MIS18A: variants seen among roughly 807,000 people sequenced by gnomAD.
The protein encoded by MIS18A is protein Mis18-alpha.
In MIS18A, 14 loss-of-function variants were observed where a neutral mutation model predicts 25.0. The observed-to-expected ratio is 0.56, with a 90% CI of 0.37 to 0.88. The LOEUF is 0.88. Among genes scored for constraint, MIS18A ranks in the 40% least tolerant of loss-of-function variants. The pLI, the probability that MIS18A is intolerant of heterozygous loss-of-function variation, is 0.00. For missense variants in MIS18A, 292 were observed against 290.8 expected, an observed-to-expected ratio of 1.00 and a Z score of -0.03; for synonymous variants, 134 against 118.6, an observed-to-expected ratio of 1.13 and a Z score of -0.84.
At chr21:32,172,906 A>T in the MIS18A span, among the ~76,000 whole-genome samples, 1 of 152,104 alleles carries the variant, frequency 6.6e-6, no homozygotes, top group Admixed American at 6.5e-5. Flanking sequence ...TATCCATATA[A>T]AGACAACAGA....
At chr21:32,273,914 C>T (rs918563753) in intron 2 of MIS18A, among the ~76,000 whole-genome samples, 1 of 152,128 alleles carries the variant, frequency 6.6e-6, no homozygotes, top group Non-Finnish European at 1.5e-5. Context: ...TATAGGGCAG[C>T]GCTTCCCACT....
At chr21:32,230,725 A>G in the MIS18A span, among the ~76,000 whole-genome samples, 19 of 152,368 alleles carry the variant, frequency 1.2e-4, no homozygotes, top group South Asian at 4.1e-4. Flanking sequence ...TTCATACCAT[A>G]TACAAAAATG....
chr21:32,219,921 T>C, the MIS18A span, among the ~76,000 whole-genome samples: 3 of 152,156 alleles, frequency 2.0e-5, no homozygotes, highest in Admixed American at 2.0e-4. Context: ...AGACTGCCTC[T>C]CTAGATTCTT....
chr21:32,175,812 A>AAAAAAAAC, the MIS18A span, among the ~76,000 whole-genome samples: 1 of 151,084 alleles, frequency 6.6e-6, no homozygotes, highest in African/African-American at 2.4e-5. Flanking sequence ...TCCATCTCAA[A>AAAAAAAAC]AAAAACAAAA....
the MIS18A span, among the ~76,000 whole-genome samples, chr21:32,185,918 C>A: frequency 1.3e-5 from 2 of 152,174 alleles, no homozygotes; most frequent in South Asian, 4.1e-4. Context: ...AGGGGTCTCA[C>A]CTGTTTACGT....
the MIS18A span, among the ~76,000 whole-genome samples, chr21:32,201,100 G>A: frequency 1.3e-5 from 2 of 152,094 alleles, no homozygotes; most frequent in Admixed American, 6.5e-5. Context: ...CAATTGTGGC[G>A]GAAGGTGAAG....
intron 3 of MIS18A, 25 bp downstream of exon 3, chr21:32,270,382 G>T: frequency 6.2e-7 from 1 of 1,612,930 alleles, no homozygotes; most frequent in Non-Finnish European, 8.5e-7. Context: ...CAGTTGTGAG[G>T]TAAACATTTA....
chr21:32,173,123 AG>A, the MIS18A span, among the ~76,000 whole-genome samples: 1 of 152,208 alleles, frequency 6.6e-6, no homozygotes, highest in Non-Finnish European at 1.5e-5. Flanking sequence ...TCAAAATTAA[AG>A]TCTTTGGTGC....
the MIS18A span, among the ~76,000 whole-genome samples, chr21:32,177,460 G>T: frequency 4.6e-5 from 7 of 152,088 alleles, no homozygotes; most frequent in Non-Finnish European, 1.0e-4. Context: ...TTGAAAAAAG[G>T]CAGGAAAAAA....
the MIS18A span, among the ~76,000 whole-genome samples, chr21:32,245,277 A>T: frequency 6.6e-6 from 1 of 152,230 alleles, no homozygotes; most frequent in Non-Finnish European, 1.5e-5. Flanking sequence ...GGCATCAGTC[A>T]TCGCACTGGG....
At chr21:32,207,903 T>C in the MIS18A span, among the ~76,000 whole-genome samples, 4 of 152,322 alleles carry the variant, frequency 2.6e-5, no homozygotes, top group Non-Finnish European at 2.9e-5. Context: ...TAGGGGCCTA[T>C]GCTCAAGCTT....
intron 1 of MIS18A, 49 bp downstream of exon 1, chr21:32,278,632 T>C: frequency 6.9e-7 from 1 of 1,453,472 alleles, no homozygotes; most frequent in African/African-American, 1.4e-5. Context: ...GCGGCACCCC[T>C]GGAAGAAGGC....
At chr21:32,232,399 T>A in the MIS18A span, among the ~76,000 whole-genome samples, 19 of 150,848 alleles carry the variant, frequency 1.3e-4, no homozygotes, top group Non-Finnish European at 1.9e-4. Context: ...ACATTATATA[T>A]CTTTATATTA....
At chr21:32,265,714 C>T (rs901332996), downstream of MIS18A, among the ~76,000 whole-genome samples, 17 of 152,232 alleles carry the variant, frequency 1.1e-4, no homozygotes, top group Non-Finnish European at 4.4e-5. Flanking sequence ...CTGAGGAATG[C>T]GAGCACAGGG....
At chr21:32,216,508 A>C in the MIS18A span, among the ~76,000 whole-genome samples, 1 of 152,362 alleles carries the variant, frequency 6.6e-6, no homozygotes, top group South Asian at 2.1e-4. Context: ...TGACTGCCTG[A>C]GGCAGTAGAT....
At chr21:32,181,655 A>C in the MIS18A span, among the ~76,000 whole-genome samples, 2 of 152,118 alleles carry the variant, frequency 1.3e-5, no homozygotes, top group African/African-American at 4.8e-5. Flanking sequence ...CAGGTCCTGG[A>C]GCCAAAGGGT....
the MIS18A span, among the ~76,000 whole-genome samples, chr21:32,235,320 A>T: frequency 6.6e-6 from 1 of 152,172 alleles, no homozygotes; most frequent in Non-Finnish European, 1.5e-5. Context: ...TACAACTCTG[A>T]GGTGTGATTT....
At chr21:32,185,074 G>GTC in the MIS18A span, among the ~76,000 whole-genome samples, 1 of 152,206 alleles carries the variant, frequency 6.6e-6, no homozygotes, top group Non-Finnish European at 1.5e-5. Flanking sequence ...TGCCTACGAT[G>GTC]TAAGTACCCC....
chr21:32,222,012 T>A, the MIS18A span, among the ~76,000 whole-genome samples: 1 of 150,958 alleles, frequency 6.6e-6, no homozygotes, highest in African/African-American at 2.4e-5. Context: ...GGATAAAGAG[T>A]CAAGACCCAT....
Sources: gnomAD v4.1 joint callset for allele counts (sites outside exome capture counted in the v4.1 genomes callset) on GRCh38, gnomAD v4.1.1 for gene constraint, MANE v1.5 for transcripts, NCBI Gene and HGNC (gene_info 2026-07-23, HGNC 2026-07-21) for gene names.